RTL4: variants seen among roughly 807,000 people sequenced by gnomAD.
The protein encoded by RTL4 is retrotransposon Gag like 4.
A neutral mutation model predicts 5.3 loss-of-function variants in RTL4; 4 were observed. That is an observed-to-expected ratio of 0.75 (90% confidence interval 0.37 to 1.72). RTL4 has a LOEUF of 1.72. Ranked by LOEUF, RTL4 falls within the 40% of genes most tolerant of loss-of-function variation. The pLI is 0.04. For synonymous variants in RTL4, 98 were observed against 87.3 expected (o/e 1.12, Z -0.68); for missense variants, 260 against 227.1 (o/e 1.14, Z -0.93).
the RTL4 span, among the ~76,000 whole-genome samples, chrX:112,295,328 C>T: frequency 9.0e-6 from 1 of 111,675 alleles, no homozygotes; most frequent in Non-Finnish European, 1.9e-5. Flanking sequence ...CTAACATCTC[C>T]TTATCTCCCT....
the RTL4 span, among the ~76,000 whole-genome samples, chrX:112,257,617 A>G: frequency 1.8e-5 from 2 of 109,626 alleles, no homozygotes; most frequent in Non-Finnish European, 3.8e-5. Context: ...TTCATAGATG[A>G]TGCTTTTGTT....
chrX:112,296,577 C>T, the RTL4 span, among the ~76,000 whole-genome samples: 1 of 107,401 alleles, frequency 9.3e-6, no homozygotes, highest in Admixed American at 1.0e-4. Flanking sequence ...GTTTACCCCT[C>T]TTGAGAATCC....
At chrX:112,238,639 C>A in the RTL4 span, among the ~76,000 whole-genome samples, 2 of 111,377 alleles carry the variant, frequency 1.8e-5, no homozygotes, top group Non-Finnish European at 3.8e-5. Flanking sequence ...AAGAAGAAAG[C>A]AGACTGCCTT....
chrX:112,337,379 G>C, the RTL4 span, among the ~76,000 whole-genome samples: 5 of 111,144 alleles, frequency 4.5e-5, no homozygotes. Context: ...TGCCTCCTGG[G>C]TTCAAGCGAT....
At chrX:112,202,646 C>G in the RTL4 span, among the ~76,000 whole-genome samples, 3 of 107,986 alleles carry the variant, frequency 2.8e-5, no homozygotes, top group Middle Eastern at 4.3e-3. Flanking sequence ...CTGCAACCTC[C>G]GCCTCCTGGG....
the RTL4 span, among the ~76,000 whole-genome samples, chrX:112,424,797 A>C: frequency 9.0e-6 from 1 of 110,825 alleles, no homozygotes; most frequent in Non-Finnish European, 1.9e-5. Context: ...TTAGGCTCAT[A>C]ACAAAATTGA....
At chrX:112,245,038 C>T in the RTL4 span, among the ~76,000 whole-genome samples, 1 of 112,363 alleles carries the variant, frequency 8.9e-6, no homozygotes, top group African/African-American at 3.2e-5. Flanking sequence ...TCTCTTCTGG[C>T]TTATAGAGTT....
the RTL4 span, among the ~76,000 whole-genome samples, chrX:112,110,449 T>C: frequency 9.0e-6 from 1 of 111,643 alleles, no homozygotes; most frequent in African/African-American, 3.3e-5. Flanking sequence ...ACCCTATAAG[T>C]AGGGGTATTA....
At chrX:112,299,969 A>G in the RTL4 span, among the ~76,000 whole-genome samples, 1 of 111,713 alleles carries the variant, frequency 9.0e-6, no homozygotes, top group Non-Finnish European at 1.9e-5. Context: ...GGTATAAAAT[A>G]TACAGAAAAC....
the RTL4 span, among the ~76,000 whole-genome samples, chrX:112,103,580 G>GA: frequency 2.6e-3 from 263 of 100,816 alleles, 1 homozygote; most frequent in Non-Finnish European, 4.7e-3. Flanking sequence ...GGAACTGAAC[G>GA]AAAAAAAAAA....
the RTL4 span, among the ~76,000 whole-genome samples, chrX:112,301,761 G>A: frequency 7.3e-5 from 8 of 109,772 alleles, no homozygotes; most frequent in Non-Finnish European, 1.5e-4. Context: ...CCAGAAGTTC[G>A]AGACCAGCCT....
chrX:112,443,743 A>G, the RTL4 span, among the ~76,000 whole-genome samples: 1 of 112,259 alleles, frequency 8.9e-6, no homozygotes, highest in African/African-American at 3.2e-5. Context: ...TTCTTTTAAG[A>G]GACATCTATT....
the RTL4 span, among the ~76,000 whole-genome samples, chrX:112,193,757 C>T: frequency 9.0e-6 from 1 of 110,985 alleles, no homozygotes; most frequent in African/African-American, 3.3e-5. Context: ...TTCTGTTCCT[C>T]GGATTGGATA....
chrX:112,341,922 G>A, the RTL4 span, among the ~76,000 whole-genome samples: 1 of 111,540 alleles, frequency 9.0e-6, no homozygotes, highest in African/African-American at 3.3e-5. Flanking sequence ...CTTGGTAGGT[G>A]ACAGGCTGAT....
chrX:112,269,587 G>A, the RTL4 span, among the ~76,000 whole-genome samples: 1 of 111,908 alleles, frequency 8.9e-6, no homozygotes, highest in Non-Finnish European at 1.9e-5. Flanking sequence ...GGTAGATAAT[G>A]TTATGCCTGT....
the RTL4 span, among the ~76,000 whole-genome samples, chrX:112,136,026 C>T: frequency 2.7e-5 from 3 of 109,616 alleles, no homozygotes; most frequent in Non-Finnish European, 5.7e-5. Flanking sequence ...TCATAGTCCT[C>T]ATTGTACAAG....
At chrX:112,143,473 G>T in the RTL4 span, among the ~76,000 whole-genome samples, 14 of 111,421 alleles carry the variant, frequency 1.3e-4, no homozygotes, top group Non-Finnish European at 1.7e-4. Context: ...CTCAAGATTC[G>T]CTGTTTTCTG....
the RTL4 span, among the ~76,000 whole-genome samples, chrX:112,244,721 A>T: frequency 9.0e-6 from 1 of 111,697 alleles, no homozygotes; most frequent in Non-Finnish European, 1.9e-5. Context: ...TTATGTGTGA[A>T]TTTGATCCTG....
At chrX:112,353,672 G>A in the RTL4 span, among the ~76,000 whole-genome samples, 7 of 109,900 alleles carry the variant, frequency 6.4e-5, no homozygotes, top group Non-Finnish European at 7.6e-5. Flanking sequence ...ATCACACTCC[G>A]GGGACTGTTG....
Sources: allele counts gnomAD v4.1 joint callset (sites outside exome capture counted in the v4.1 genomes callset), GRCh38; gene constraint gnomAD v4.1.1; transcripts MANE v1.5; gene names NCBI Gene and HGNC (gene_info 2026-07-23, HGNC 2026-07-21).